Variants in MYT1L observed in about 807,000 individuals in gnomAD.
MYT1L encodes myelin transcription factor 1 like, also known as myelin transcription factor 1-like protein.
MYT1L carries 12 observed loss-of-function variants against 126.7 expected under a neutral mutation model. The ratio of observed to expected loss-of-function variants is 0.09; its 90% confidence interval spans 0.06 to 0.15. The LOEUF (loss-of-function observed/expected upper bound fraction) is 0.15, where lower values mean the gene tolerates loss of function less well. MYT1L is among the 10% of genes least tolerant of loss of function. MYT1L has a pLI of 1.00. For synonymous variants in MYT1L, 541 were observed against 604.2 expected, an observed-to-expected ratio of 0.90 and a Z score of 1.53; for missense variants, 979 against 1,585.2, an observed-to-expected ratio of 0.62 and a Z score of 6.49.
Position 1,887,738 on chromosome 2 carries a change from T to C in MYT1L, c.2521-129A>G. The C allele has an allele frequency of 8.9e-7, 1 of 1,121,576 alleles. No homozygotes were observed. The highest frequency in any genetic ancestry group is 1.4e-5 in the South Asian group (1 of 69,902). 69.5% of individuals were successfully genotyped at this position (1,121,576 alleles called of 1,614,324 possible). On this transcript the variant is annotated intron_variant, in intron 16 of 24. Coordinates refer to ENST00000647738, the MANE Select transcript of MYT1L (RefSeq NM_001303052.2). The surrounding 1 kb of genome is among the most constrained non-coding windows in gnomAD (Gnocchi z 4.8). ...TTTCTGCTGTACCTTTAAGATCCTT[T>C]TGGTCCTGATAACGCCCCTACTGAA...
At chr2:2,212,587 T>C (rs908616636) in intron 2 of MYT1L, among the ~76,000 whole-genome samples, 2 of 152,228 alleles carry the variant, frequency 1.3e-5, no homozygotes, top group Admixed American at 1.3e-4. Context: ...ATTTAAGTTG[T>C]ATAGACGGGA....
At chr2:2,159,658 G>A (rs1384038220) in intron 3 of MYT1L, among the ~76,000 whole-genome samples, 2 of 152,026 alleles carry the variant, frequency 1.3e-5, no homozygotes, top group African/African-American at 4.8e-5. Flanking sequence ...CCCCCTGGAT[G>A]CCCCTGGAGA....
chr2:2,056,500 G>GTCCA (rs768090361), intron 3 of MYT1L, among the ~76,000 whole-genome samples: 12 of 152,240 alleles, frequency 7.9e-5, no homozygotes, highest in Admixed American at 2.0e-4. Flanking sequence ...ACATCCATCC[G>GTCCA]TCCATCCATC....
intron 3 of MYT1L, among the ~76,000 whole-genome samples, chr2:2,138,853 A>C (rs1559122119): frequency 6.6e-6 from 1 of 151,658 alleles, no homozygotes; most frequent in Non-Finnish European, 1.5e-5. Context: ...ATTAAAAAAA[A>C]AAAAAAAAGA....
At chr2:2,026,313 G>A (rs1180785459) in intron 4 of MYT1L, among the ~76,000 whole-genome samples, 2 of 152,278 alleles carry the variant, frequency 1.3e-5, no homozygotes, top group South Asian at 2.1e-4. Context: ...ATCTCTGCCC[G>A]CACCAGAGGA....
chr2:2,011,051 A>G (rs1481436339), intron 4 of MYT1L, among the ~76,000 whole-genome samples: 2 of 152,168 alleles, frequency 1.3e-5, no homozygotes, highest in East Asian at 3.9e-4. Context: ...GTGTACAATA[A>G]TAAACTCAAA....
chr2:1,904,156 T>C (rs1466265210), intron 13 of MYT1L, among the ~76,000 whole-genome samples: 1 of 152,200 alleles, frequency 6.6e-6, no homozygotes, highest in Non-Finnish European at 1.5e-5. Flanking sequence ...TATGGAGTTC[T>C]TTCCTAAACC....
chr2:1,826,993 T>C (rs1185495033), intron 21 of MYT1L: 1 of 152,220 alleles, frequency 6.6e-6, no homozygotes, highest in African/African-American at 2.4e-5. Flanking sequence ...GATCTCACTT[T>C]AGCAATCCCC....
Position 1,821,644 on chromosome 2 carries a change from C to T in MYT1L, c.3081-12477G>A, listed in dbSNP as rs190208340. Among the ~76,000 whole-genome samples the T allele has an allele frequency of 2.8e-4, 43 of 152,280 alleles. No individual in the cohort carries two copies. In the East Asian group the frequency reaches 6.8e-3, roughly 24 times the overall value. On this transcript the variant is annotated intron_variant, in intron 21 of 24. Coordinates refer to ENST00000647738, the MANE Select transcript of MYT1L (RefSeq NM_001303052.2). ...TTGTTTACTGCTTGCCTTCAGTGGC[C>T]GGAGTCCTTGGCTGTTCACGCATAC...
chr2:2,096,977 C>T (rs370489101), intron 3 of MYT1L, among the ~76,000 whole-genome samples: 3 of 152,120 alleles, frequency 2.0e-5, no homozygotes, highest in African/African-American at 7.2e-5. Context: ...CTCACGCCAG[C>T]GGCGGCCAGG....
intron 18 of MYT1L, among the ~76,000 whole-genome samples, chr2:1,872,792 T>A (rs1208913966): frequency 6.6e-6 from 1 of 152,274 alleles, no homozygotes; most frequent in Non-Finnish European, 1.5e-5. Flanking sequence ...TTTTCTGTAA[T>A]AAATGCTTAT....
In MYT1L at chr2:2,158,560, C is replaced by T. The variant is rs77246738; in HGVS notation, c.-304+14312G>A. 8.6e-3 allele frequency among the ~76,000 whole-genome samples: 1,315 copies of T among 152,076 alleles called. 8 individuals carry two copies. Among genetic ancestry groups the T allele is most frequent in the African/African-American group, 0.016 (657 of 41,464 alleles). The stretch of plus-strand genomic sequence containing the variant: ...TCCTGAATCAAAATGCAATTCATAT[C>T]GGCACATGGCTCTTTATTCAGTCAC... On this transcript the variant is annotated intron_variant, in intron 3 of 24. Coordinates refer to ENST00000647738, the MANE Select transcript of MYT1L (RefSeq NM_001303052.2).
Position 2,178,600 on chromosome 2 carries a change from C to T in MYT1L, c.-420-5612G>A, listed in dbSNP as rs138529340. On this transcript the variant is annotated intron_variant, in intron 2 of 24. Coordinates refer to ENST00000647738, the MANE Select transcript of MYT1L (RefSeq NM_001303052.2). ...GTGGGCCTTTGGGGCTCTCTCTGTC[C>T]CCTCAGGGTCTGCTGTTTGCCTGCA... Among the ~76,000 whole-genome samples the T allele has an allele frequency of 3.8e-3, 578 of 152,258 alleles. 1 individual carries two copies. The highest frequency in any genetic ancestry group is 0.013 in the African/African-American group (549 of 41,556).
At chr2:2,013,027 T>A (rs1444905001) in intron 4 of MYT1L, among the ~76,000 whole-genome samples, 1 of 152,188 alleles carries the variant, frequency 6.6e-6, no homozygotes, top group Admixed American at 6.5e-5. Flanking sequence ...CTATCCATGG[T>A]TTCAGGTGCC....
At chr2:2,186,732 A>G (rs549511548) in intron 2 of MYT1L, among the ~76,000 whole-genome samples, 4 of 152,392 alleles carry the variant, frequency 2.6e-5, no homozygotes, top group African/African-American at 7.2e-5. Context: ...TCAAAAATCT[A>G]TAATTAACAG....
intron 2 of MYT1L, among the ~76,000 whole-genome samples, chr2:2,230,016 C>T (rs1472457637): frequency 1.3e-5 from 2 of 152,158 alleles, no homozygotes; most frequent in Non-Finnish European, 1.5e-5. Context: ...TGTTTACTCG[C>T]CTAACATAGA....
At chr2:2,184,724 C>G (rs1407693973) in intron 2 of MYT1L, among the ~76,000 whole-genome samples, 1 of 152,118 alleles carries the variant, frequency 6.6e-6, no homozygotes, top group African/African-American at 2.4e-5. Flanking sequence ...GGCAGATTTC[C>G]CCAGCTGTGG....
chr2:1,953,453 T>C (rs2058064003), intron 8 of MYT1L, among the ~76,000 whole-genome samples: 1 of 152,204 alleles, frequency 6.6e-6, no homozygotes, highest in Non-Finnish European at 1.5e-5. Context: ...AAGACCCATC[T>C]CAAGTTCCCC....
At chr2:1,840,678 T>C (rs2041539992) in intron 20 of MYT1L, 82 bp downstream of exon 20, 2 of 999,244 alleles carry the variant, frequency 2.0e-6, no homozygotes, top group Non-Finnish European at 3.0e-6. Flanking sequence ...CTTTTTCTTG[T>C]TGACATATAC....
Sources: gnomAD v4.1 joint callset for allele counts (sites outside exome capture counted in the v4.1 genomes callset) on GRCh38, gnomAD v4.1.1 for gene constraint, Gnocchi (gnomAD v3.1) non-coding constraint, MANE v1.5 for transcripts, NCBI Gene and HGNC (gene_info 2026-07-23, HGNC 2026-07-21) for gene names.